The following SPAG16 variants were observed in gnomAD, a reference collection of about 807,000 sequenced individuals.
SPAG16 encodes the protein sperm-associated antigen 16 protein.
In SPAG16, 86 loss-of-function variants were observed where a neutral mutation model predicts 80.4. The observed-to-expected ratio is 1.07, with a 90% CI of 0.90 to 1.28. SPAG16 has a LOEUF of 1.28. Ranked by LOEUF, SPAG16 falls within the 50% of genes most tolerant of loss-of-function variation. The pLI, the probability that SPAG16 is intolerant of heterozygous loss-of-function variation, is 0.00. For missense variants in SPAG16, 870 were observed against 765.3 expected (o/e 1.14, Z -1.61); for synonymous variants, 294 against 265.9 (o/e 1.11, Z -1.03).
intron 10 of SPAG16, among the ~76,000 whole-genome samples, chr2:213,860,214 G>A (rs2075361643): frequency 6.6e-6 from 1 of 151,510 alleles, no homozygotes; most frequent in African/African-American, 2.4e-5. Flanking sequence ...TCAAAACCAG[G>A]TATTTATTAA....
chr2:213,396,948 C>T (rs1407139579), intron 9 of SPAG16, among the ~76,000 whole-genome samples: 1 of 151,968 alleles, frequency 6.6e-6, no homozygotes. Flanking sequence ...TTTCTTTGTA[C>T]TCTATTGAAT....
intron 11 of SPAG16, among the ~76,000 whole-genome samples, chr2:213,927,991 T>A (rs1510544): frequency 0.87 from 131,659 of 151,992 alleles, 58,887 homozygotes; most frequent in East Asian, 1. Context: ...GCAAACCAAC[T>A]ATTGTGGCAA....
At chr2:213,351,448 G>A (rs1310071435) in intron 7 of SPAG16, among the ~76,000 whole-genome samples, 1 of 152,084 alleles carries the variant, frequency 6.6e-6, no homozygotes, top group Admixed American at 6.6e-5. Flanking sequence ...GGTTATTTTT[G>A]CTAATGCTTG....
intron 10 of SPAG16, among the ~76,000 whole-genome samples, chr2:213,619,078 A>C (rs925410988): frequency 6.6e-6 from 1 of 152,200 alleles, no homozygotes; most frequent in African/African-American, 2.4e-5. Flanking sequence ...TACAACGGTA[A>C]AGCAACATGT....
At chr2:213,879,179 C>A (rs185238372) in intron 11 of SPAG16, among the ~76,000 whole-genome samples, 2 of 150,906 alleles carry the variant, frequency 1.3e-5, no homozygotes, top group South Asian at 4.2e-4. Flanking sequence ...TTTTCTAATT[C>A]TGTGAAAAAT....
intron 11 of SPAG16, among the ~76,000 whole-genome samples, chr2:213,886,099 C>T (rs151016231): frequency 3.9e-5 from 6 of 152,180 alleles, no homozygotes; most frequent in South Asian, 4.1e-4. Context: ...TTTGGTTTTT[C>T]GTGACCTCTC....
At chr2:213,295,395 CA>C (rs1206469610) in intron 1 of SPAG16, among the ~76,000 whole-genome samples, 5 of 151,764 alleles carry the variant, frequency 3.3e-5, no homozygotes, top group Non-Finnish European at 7.4e-5. Flanking sequence ...GAATCATTTC[CA>C]TTGATATTTA....
chr2:214,184,799 C>T lies in SPAG16; in HGVS notation c.1720+35533C>T, dbSNP rs76237744. Among the ~76,000 whole-genome samples, 375 of 152,156 alleles carry T rather than the reference C, an allele frequency of 2.5e-3. 2 individuals carry two copies. The highest frequency in any genetic ancestry group is 8.6e-3 in the African/African-American group (359 of 41,556). On this transcript the variant is annotated intron_variant, in intron 15 of 15. Coordinates refer to ENST00000331683, the MANE Select transcript of SPAG16 (RefSeq NM_024532.5). ...CACTTTTATCACTGAAAACTTAAAGCTTTCCAATTTTTGCTTTTTAGCCAT... is the reference window on the plus strand; with the variant it reads ...CACTTTTATCACTGAAAACTTAAAGTTTTCCAATTTTTGCTTTTTAGCCAT...
chr2:214,407,871 G>T (rs12151793), intron 15 of SPAG16, among the ~76,000 whole-genome samples: 28,653 of 152,016 alleles, frequency 0.19, 3,397 homozygotes, highest in African/African-American at 0.32. Flanking sequence ...ATTACATGCC[G>T]TGTAATAATC....
intron 10 of SPAG16, among the ~76,000 whole-genome samples, chr2:213,649,127 GTTAC>G (rs771396467): frequency 6.6e-5 from 10 of 152,118 alleles, no homozygotes; most frequent in Non-Finnish European, 1.3e-4. Flanking sequence ...GAAAAAAATA[GTTAC>G]TTCCTATCAG....
At position 213,525,284 on chromosome 2, in the gene SPAG16, C is replaced by CTT. The variant is rs71060436; in HGVS notation, c.1070+35215_1070+35216dup. ...AATCAATTAAACCTCTTTTCCTTTT[C>CTT]TTTTTTTTTTTTTTTTTTTTTTGAG... On this transcript the variant is annotated intron_variant, in intron 10 of 15. Transcript: ENST00000331683. 8.9e-3 allele frequency among the ~76,000 whole-genome samples: 894 copies of CTT among 100,250 alleles called. 12 individuals carry two copies. Among genetic ancestry groups the CTT allele is most frequent in the Middle Eastern group, 0.016 (2 of 128 alleles). The allele number at this position is 100,250 out of a possible 152,430, so 65.8% of individuals were successfully genotyped here. A position where few individuals can be genotyped will look rare whatever the true frequency, so the allele number is the denominator to read the frequency against.
intron 7 of SPAG16, among the ~76,000 whole-genome samples, chr2:213,357,958 A>G (rs1463483760): frequency 6.6e-6 from 1 of 152,172 alleles, no homozygotes; most frequent in Non-Finnish European, 1.5e-5. Flanking sequence ...CCTGGTAGTA[A>G]CAAAACCCCT....
intron 15 of SPAG16, among the ~76,000 whole-genome samples, chr2:214,402,893 A>C (rs1258322198): frequency 6.6e-6 from 1 of 152,040 alleles, no homozygotes; most frequent in Middle Eastern, 3.2e-3. Flanking sequence ...TGTAAAAATT[A>C]ATTTAAATAT....
chr2:213,694,027 G>A (rs2065053497), intron 10 of SPAG16, among the ~76,000 whole-genome samples: 1 of 145,324 alleles, frequency 6.9e-6, no homozygotes, highest in African/African-American at 2.6e-5. Context: ...TCATTCTTTG[G>A]TGCTTTATGC....
At chr2:213,375,256 G>A in intron 9 of SPAG16, 137 bp downstream of exon 9, 2 of 562,674 alleles carry the variant, frequency 3.6e-6, no homozygotes, top group Non-Finnish European at 6.2e-6. Context: ...GTTTATACAT[G>A]GACAGTGGAG....
At chr2:214,337,095 T>C (rs1250428214) in intron 15 of SPAG16, among the ~76,000 whole-genome samples, 6 of 151,068 alleles carry the variant, frequency 4.0e-5, no homozygotes, top group East Asian at 2.0e-4. Context: ...TGGGACTCCA[T>C]TGGAACTTCT....
chr2:213,777,598 G>A (rs1381728307), intron 10 of SPAG16, among the ~76,000 whole-genome samples: 2 of 152,000 alleles, frequency 1.3e-5, no homozygotes, highest in Non-Finnish European at 2.9e-5. Context: ...TAGTAGAGAC[G>A]GGGTTTCACC....
intron 13 of SPAG16, among the ~76,000 whole-genome samples, chr2:214,035,495 G>A (rs974513578): frequency 6.6e-6 from 1 of 152,218 alleles, no homozygotes; most frequent in South Asian, 2.1e-4. Flanking sequence ...AAGTCCAGAG[G>A]GGGCTGAGGC....
intron 2 of SPAG16, chr2:213,296,876 A>G: frequency 3.0e-6 from 1 of 335,390 alleles, no homozygotes; most frequent in South Asian, 2.6e-5. Context: ...AGTGAGTTTT[A>G]TTTTTTAATA....
Sources: gnomAD v4.1 joint callset for allele counts (sites outside exome capture counted in the v4.1 genomes callset) on GRCh38, gnomAD v4.1.1 for gene constraint, MANE v1.5 for transcripts, NCBI Gene and HGNC (gene_info 2026-07-23, HGNC 2026-07-21) for gene names.